The following GRIN3A variants were observed in gnomAD, a reference collection of about 807,000 sequenced individuals.
GRIN3A encodes glutamate receptor ionotropic, NMDA 3A.
A neutral mutation model predicts 92.4 loss-of-function variants in GRIN3A; 47 were observed. The observed-to-expected ratio is 0.51, with a 90% CI of 0.40 to 0.65. The LOEUF is 0.65. Ranked by LOEUF, GRIN3A falls within the 30% of genes least tolerant of loss-of-function variation. GRIN3A has a pLI of 0.00. For synonymous variants in GRIN3A, 527 were observed against 540.6 expected (o/e 0.97, Z 0.35); for missense variants, 1,324 against 1,393.1 (o/e 0.95, Z 0.79).
chr9:101,629,471 T>C (rs1007804050), intron 3 of GRIN3A, among the ~76,000 whole-genome samples: 6 of 152,300 alleles, frequency 3.9e-5, no homozygotes, highest in African/African-American at 1.4e-4. Flanking sequence ...GTTCTCAAAG[T>C]TACTAGGGTG....
At chr9:101,677,994 A>G (rs1829421043) in intron 2 of GRIN3A, among the ~76,000 whole-genome samples, 1 of 152,088 alleles carries the variant, frequency 6.6e-6, no homozygotes, top group Non-Finnish European at 1.5e-5. Context: ...AGCATCTTCC[A>G]CAGAATTGCT....
chr9:101,707,476 G>T (rs958435855), intron 1 of GRIN3A, among the ~76,000 whole-genome samples: 1 of 152,112 alleles, frequency 6.6e-6, no homozygotes, highest in Non-Finnish European at 1.5e-5. Flanking sequence ...GGTTGCCCTG[G>T]TAATGCCTTC....
chr9:101,704,654 G>A (rs1290329761), intron 1 of GRIN3A, among the ~76,000 whole-genome samples: 1 of 152,190 alleles, frequency 6.6e-6, no homozygotes, highest in Non-Finnish European at 1.5e-5. Flanking sequence ...ACACGATCAG[G>A]AGGGTAAACA....
At chr9:101,703,935 C>T (rs779595457) in intron 1 of GRIN3A, among the ~76,000 whole-genome samples, 2 of 152,178 alleles carry the variant, frequency 1.3e-5, no homozygotes, top group Non-Finnish European at 2.9e-5. Flanking sequence ...TTGATCTTAT[C>T]TCTATCTTGG....
At chr9:101,612,844 A>G (rs986045857) in intron 6 of GRIN3A, among the ~76,000 whole-genome samples, 3 of 152,218 alleles carry the variant, frequency 2.0e-5, no homozygotes. Context: ...TCCTAACTAT[A>G]AAAGAAGGGA....
In GRIN3A at chr9:101,659,611, C is replaced by T. The variant is rs1469942263; in HGVS notation, c.2352+10449G>A. 3.3e-5 allele frequency among the ~76,000 whole-genome samples: 5 copies of T among 151,018 alleles called. 1 individual carries two copies. The Admixed American group carries it at 3.3e-4, about 10-fold the overall frequency. ...AGAAAGTATCTATGTATTGGGATAG[C>T]AAATATCTTAATACTTGCTAAGAAG... is the stretch of plus-strand genomic sequence containing the variant. On this transcript the variant is annotated intron_variant, in intron 3 of 8. Transcript: ENST00000361820.
intron 8 of GRIN3A, among the ~76,000 whole-genome samples, chr9:101,576,615 C>A (rs912232204): frequency 1.6e-4 from 25 of 152,156 alleles, no homozygotes; most frequent in African/African-American, 5.8e-4. Context: ...GCTATGTCTT[C>A]TTGTGTTACT....
intron 1 of GRIN3A, among the ~76,000 whole-genome samples, chr9:101,694,846 A>G (rs1430222190): frequency 6.6e-6 from 1 of 152,160 alleles, no homozygotes; most frequent in Non-Finnish European, 1.5e-5. Context: ...AATCATTAGA[A>G]ATGTGGGCAT....
At chr9:101,627,133 G>A (rs573417216) in intron 4 of GRIN3A, among the ~76,000 whole-genome samples, 4 of 152,322 alleles carry the variant, frequency 2.6e-5, no homozygotes, top group Admixed American at 2.6e-4. Context: ...AAATTCGCCT[G>A]AAGAAGAGAA....
intron 2 of GRIN3A, among the ~76,000 whole-genome samples, chr9:101,672,079 G>A (rs987324423): frequency 6.6e-6 from 1 of 152,102 alleles, no homozygotes; most frequent in African/African-American, 2.4e-5. Context: ...AATGTGGCTT[G>A]TGGCCTTGTG....
chr9:101,596,907 T>A (rs1564122466), intron 6 of GRIN3A, among the ~76,000 whole-genome samples: 1 of 152,214 alleles, frequency 6.6e-6, no homozygotes, highest in Non-Finnish European at 1.5e-5. Flanking sequence ...TGTCCTTTGT[T>A]TGAAAATGAT....
In GRIN3A at chr9:101,628,239, A is replaced by G; in HGVS notation, c.2498+17T>C. The G allele has an allele frequency of 6.2e-7, 1 of 1,613,646 alleles. No homozygotes were observed. Among genetic ancestry groups the G allele is most frequent in the Non-Finnish European group, 8.5e-7 (1 of 1,179,672 alleles). On this transcript the variant is annotated intron_variant, in intron 4 of 8. Transcript: ENST00000361820. Reference sequence around the variant, plus strand: ...TCAGTGAGAATTTTTCTTTGGATCCAAGAGGTTGACACTCACTTCAGATAC... The same window carrying G: ...TCAGTGAGAATTTTTCTTTGGATCCGAGAGGTTGACACTCACTTCAGATAC...
intron 6 of GRIN3A, among the ~76,000 whole-genome samples, chr9:101,608,856 AT>A (rs1375972542): frequency 6.6e-6 from 1 of 152,224 alleles, no homozygotes; most frequent in Non-Finnish European, 1.5e-5. Flanking sequence ...TTTTAGGATA[AT>A]ATTAAGGGAA....
At chr9:101,602,337 C>A (rs1828221961) in intron 6 of GRIN3A, among the ~76,000 whole-genome samples, 1 of 152,180 alleles carries the variant, frequency 6.6e-6, no homozygotes, top group Non-Finnish European at 1.5e-5. Flanking sequence ...GCATCAATAG[C>A]CACTAGATGG....
chr9:101,614,609 CTTTTTTTTTTTT>C (rs754003481), intron 5 of GRIN3A, among the ~76,000 whole-genome samples: 15 of 83,050 alleles, frequency 1.8e-4, no homozygotes, highest in Non-Finnish European at 1.1e-4. Context: ...ATATGTGATA[CTTTTTTTTTTTT>C]TTTTTTTTTT....
At chr9:101,600,788 C>T (rs540059994) in intron 6 of GRIN3A, 4 of 152,216 alleles carry the variant, frequency 2.6e-5, no homozygotes, top group Admixed American at 1.3e-4. Context: ...TGGTATTGGA[C>T]GAAGTGATAA....
chr9:101,595,442 A>T (rs1009042009), intron 6 of GRIN3A, among the ~76,000 whole-genome samples: 3 of 152,016 alleles, frequency 2.0e-5, no homozygotes, highest in Non-Finnish European at 2.9e-5. Context: ...ATATACGCCG[A>T]ATGACTGAAC....
chr9:101,649,424 T>C (rs892952945), intron 3 of GRIN3A, among the ~76,000 whole-genome samples: 2 of 151,952 alleles, frequency 1.3e-5, no homozygotes, highest in Non-Finnish European at 2.9e-5. Flanking sequence ...GGTTCAGCCA[T>C]ATTAGCATCC....
intron 5 of GRIN3A, among the ~76,000 whole-genome samples, chr9:101,623,021 C>G (rs983118789): frequency 6.6e-6 from 1 of 151,578 alleles, no homozygotes; most frequent in Non-Finnish European, 1.5e-5. Context: ...CACACACACA[C>G]AATACAGATT....
Sources: allele counts gnomAD v4.1 joint callset (sites outside exome capture counted in the v4.1 genomes callset), GRCh38; gene constraint gnomAD v4.1.1; transcripts MANE v1.5; gene names NCBI Gene and HGNC (gene_info 2026-07-23, HGNC 2026-07-21).